Variants in ABLIM1 observed in about 807,000 individuals in gnomAD.
ABLIM1 encodes actin binding LIM protein 1, also known as actin-binding LIM protein 1.
A neutral mutation model predicts 107.0 loss-of-function variants in ABLIM1; 40 were observed. That is an observed-to-expected ratio of 0.37 (90% confidence interval 0.29 to 0.49). The LOEUF is 0.49. ABLIM1 is among the 20% of genes least tolerant of loss of function. ABLIM1 has a pLI of 0.97. For missense variants in ABLIM1, 857 were observed against 1,008.5 expected (o/e 0.85, Z 2.04); for synonymous variants, 357 against 357.3 (o/e 1.00, Z 0.01).
At chr10:114,646,845 C>A (rs1185224707) in intron 1 of ABLIM1, among the ~76,000 whole-genome samples, 1 of 152,084 alleles carries the variant, frequency 6.6e-6, no homozygotes, top group African/African-American at 2.4e-5. Context: ...TAAAATAGAC[C>A]AATTGAACCA....
the ABLIM1 span, among the ~76,000 whole-genome samples, chr10:114,786,117 G>C: frequency 6.6e-6 from 1 of 151,822 alleles, no homozygotes; most frequent in African/African-American, 2.4e-5. Flanking sequence ...TTTTTTAAAA[G>C]AGATTTATTG....
chr10:114,455,875 C>T (rs774406935), intron 12 of ABLIM1, among the ~76,000 whole-genome samples: 1 of 150,548 alleles, frequency 6.6e-6, no homozygotes, highest in Non-Finnish European at 1.5e-5. Flanking sequence ...TGCAGTGGCG[C>T]GATCTTGGCT....
chr10:114,590,998 A>T (rs2074809981), intron 2 of ABLIM1, among the ~76,000 whole-genome samples: 1 of 152,232 alleles, frequency 6.6e-6, no homozygotes, highest in African/African-American at 2.4e-5. Flanking sequence ...ATCATGGCCA[A>T]CATAGAGTCA....
chr10:114,516,368 A>C (rs548146247), intron 6 of ABLIM1, among the ~76,000 whole-genome samples: 15 of 152,258 alleles, frequency 9.9e-5, no homozygotes, highest in Admixed American at 7.2e-4. Flanking sequence ...TACTAAAAAT[A>C]CAAAAATTAG....
At chr10:114,507,337 ACTGAAAAATAAAT>A (rs1338793259) in intron 6 of ABLIM1, among the ~76,000 whole-genome samples, 1 of 152,164 alleles carries the variant, frequency 6.6e-6, no homozygotes, top group Admixed American at 6.5e-5. Context: ...CAAAAAACCG[ACTGAAAAATAAAT>A]CTGAAGAAGG....
At chr10:114,663,574 C>T (rs1042154068) in intron 1 of ABLIM1, among the ~76,000 whole-genome samples, 2 of 152,222 alleles carry the variant, frequency 1.3e-5, no homozygotes, top group African/African-American at 4.8e-5. Context: ...AAAATGTTCA[C>T]ATTCTATACC....
intron 6 of ABLIM1, among the ~76,000 whole-genome samples, chr10:114,517,999 T>C (rs937694745): frequency 1.3e-5 from 2 of 152,152 alleles, no homozygotes; most frequent in African/African-American, 4.8e-5. Flanking sequence ...TCATGTTTTC[T>C]TAGTGTATGG....
upstream of ABLIM1, among the ~76,000 whole-genome samples, chr10:114,769,852 A>G (rs1399054656): frequency 6.6e-6 from 1 of 152,208 alleles, no homozygotes; most frequent in African/African-American, 2.4e-5. Context: ...ACAAAAATCA[A>G]CTCATTATTT....
chr10:114,697,746 G>A (rs2081226300), intron 1 of ABLIM1, among the ~76,000 whole-genome samples: 1 of 152,112 alleles, frequency 6.6e-6, no homozygotes, highest in African/African-American at 2.4e-5. Context: ...TAGTAATCCA[G>A]CTATTCCTCA....
At chr10:114,617,419 G>A (rs899880850) in intron 1 of ABLIM1, among the ~76,000 whole-genome samples, 2 of 151,794 alleles carry the variant, frequency 1.3e-5, no homozygotes, top group Admixed American at 6.6e-5. Context: ...GTGCCAACAC[G>A]TTTGGCTAAT....
chr10:114,583,446 C>CAT (rs2073723421), intron 2 of ABLIM1, among the ~76,000 whole-genome samples: 1 of 41,596 alleles, frequency 2.4e-5, no homozygotes, highest in African/African-American at 8.7e-5. Context: ...CACACACACA[C>CAT]ACACACACAC....
At chr10:114,440,169 T>A in intron 19 of ABLIM1, 80 bp from the exon 20 acceptor site, 1 of 1,394,332 alleles carries the variant, frequency 7.2e-7, no homozygotes, top group Non-Finnish European at 1.0e-6. Flanking sequence ...TATATTATAT[T>A]GAAATTCCCA....
intron 1 of ABLIM1, among the ~76,000 whole-genome samples, chr10:114,606,590 A>G (rs908400057): frequency 1.7e-4 from 26 of 152,158 alleles, no homozygotes; most frequent in Admixed American, 6.5e-5. Context: ...AGTATCTTGC[A>G]GGTAACATAC....
At chr10:114,578,000 G>C (rs989946582) in intron 2 of ABLIM1, among the ~76,000 whole-genome samples, 3 of 152,020 alleles carry the variant, frequency 2.0e-5, no homozygotes, top group Admixed American at 6.6e-5. Flanking sequence ...TTACTTTCCT[G>C]TTTCTCCTCC....
rs530411698 is a variant in ABLIM1, at chr10:114,598,112, T to C, written c.379+3715A>G. Among the ~76,000 whole-genome samples, 10 of 151,490 alleles carry C rather than the reference T, an allele frequency of 6.6e-5. No individual in the cohort carries two copies. In the South Asian group the frequency reaches 8.3e-4, roughly 13 times the overall value. Reference sequence around the variant, plus strand: ...TATGGTAAAACCCCGTGTCTACAAATAATACAAAAAAATTAGCTGGGTGTG... The same window carrying C: ...TATGGTAAAACCCCGTGTCTACAAACAATACAAAAAAATTAGCTGGGTGTG... On this transcript the variant is annotated intron_variant, in intron 2 of 22. Coordinates refer to ENST00000533213, the MANE Select transcript of ABLIM1 (RefSeq NM_002313.7).
chr10:114,694,610 T>C (rs1241008619), intron 1 of ABLIM1, among the ~76,000 whole-genome samples: 1 of 152,116 alleles, frequency 6.6e-6, no homozygotes, highest in Non-Finnish European at 1.5e-5. Flanking sequence ...CCTCATGGGA[T>C]GTTGTGAAAA....
chr10:114,783,616 G>A, the ABLIM1 span, among the ~76,000 whole-genome samples: 1 of 151,878 alleles, frequency 6.6e-6, no homozygotes, highest in Non-Finnish European at 1.5e-5. Context: ...AAGAAAACCA[G>A]GAGTGGGTGG....
At chr10:114,505,804 C>T (rs377439859) in intron 6 of ABLIM1, among the ~76,000 whole-genome samples, 90 of 152,256 alleles carry the variant, frequency 5.9e-4, no homozygotes, top group South Asian at 2.7e-3. Flanking sequence ...AAATATTTTC[C>T]CATCCCACCC....
intron 12 of ABLIM1, among the ~76,000 whole-genome samples, chr10:114,456,981 G>A (rs981194790): frequency 2.0e-5 from 3 of 150,718 alleles, no homozygotes; most frequent in African/African-American, 4.9e-5. Flanking sequence ...GTAAGCAGAT[G>A]TAACTATAAT....
Sources: allele counts gnomAD v4.1 joint callset (sites outside exome capture counted in the v4.1 genomes callset), GRCh38; gene constraint gnomAD v4.1.1; transcripts MANE v1.5; gene names NCBI Gene and HGNC (gene_info 2026-07-23, HGNC 2026-07-21).